CDC42SE2: variants seen among roughly 807,000 people sequenced by gnomAD.
CDC42SE2 encodes CDC42 small effector protein 2.
CDC42SE2 carries 3 observed loss-of-function variants against 11.5 expected under a neutral mutation model. The ratio of observed to expected loss-of-function variants is 0.26; its 90% CI spans 0.12 to 0.67. The LOEUF (loss-of-function observed/expected upper bound fraction) is 0.67, where lower values mean the gene tolerates loss of function less well. Among genes scored for constraint, CDC42SE2 ranks in the 30% least tolerant of loss-of-function variants. The pLI is 0.80. For synonymous variants in CDC42SE2, 33 were observed against 34.8 expected (o/e 0.95, Z 0.18); for missense variants, 82 against 106.8 (o/e 0.77, Z 1.02).
At chr5:131,367,646 A>G (rs1749898401) in intron 3 of CDC42SE2, among the ~76,000 whole-genome samples, 1 of 152,172 alleles carries the variant, frequency 6.6e-6, no homozygotes, top group Non-Finnish European at 1.5e-5. Context: ...TGTGTGAAAG[A>G]CATGCCTGTT....
intron 2 of CDC42SE2, chr5:131,354,619 C>T (rs912451124): frequency 6.6e-6 from 1 of 152,090 alleles, no homozygotes; most frequent in African/African-American, 2.4e-5. Context: ...AACCATAATT[C>T]ACCTTTTTTC....
intron 4 of CDC42SE2, among the ~76,000 whole-genome samples, chr5:131,385,873 A>G (rs1048820071): frequency 2.6e-5 from 4 of 152,252 alleles, no homozygotes; most frequent in Non-Finnish European, 5.9e-5. Flanking sequence ...GCAACTCTTC[A>G]TAGCTGCCTT....
the CDC42SE2 span, among the ~76,000 whole-genome samples, chr5:131,232,758 AAAC>A: frequency 1.4e-5 from 2 of 147,200 alleles, no homozygotes; most frequent in Non-Finnish European, 3.0e-5. Context: ...AAAAAAAACA[AAAC>A]AGAAATATTA....
the CDC42SE2 span, among the ~76,000 whole-genome samples, chr5:131,218,707 G>A: frequency 3.9e-5 from 6 of 152,306 alleles, no homozygotes; most frequent in East Asian, 1.2e-3. Flanking sequence ...AGGTAAAATT[G>A]ATATATAATG....
At chr5:131,299,920 G>A (rs1757647142) in intron 1 of CDC42SE2, among the ~76,000 whole-genome samples, 1 of 152,140 alleles carries the variant, frequency 6.6e-6, no homozygotes, top group Non-Finnish European at 1.5e-5. Context: ...TCTGATATAG[G>A]TATTTAGTAG....
chr5:131,320,866 C>T (rs1054304870), intron 2 of CDC42SE2, among the ~76,000 whole-genome samples: 3 of 152,166 alleles, frequency 2.0e-5, no homozygotes, highest in African/African-American at 4.8e-5. Context: ...AAGCACGTAT[C>T]GGATCAGTGG....
At chr5:131,344,100 C>T (rs1407322708) in intron 2 of CDC42SE2, among the ~76,000 whole-genome samples, 6 of 152,160 alleles carry the variant, frequency 3.9e-5, no homozygotes, top group South Asian at 2.1e-4. Flanking sequence ...CCAGCATGAG[C>T]GACGCAGAAG....
chr5:131,335,935 G>A (rs1208303531), intron 2 of CDC42SE2, among the ~76,000 whole-genome samples: 3 of 152,210 alleles, frequency 2.0e-5, no homozygotes, highest in East Asian at 3.8e-4. Flanking sequence ...TTGCCAGTCT[G>A]TGCCTTTTAA....
At chr5:131,272,485 G>T (rs546465517) in intron 1 of CDC42SE2, among the ~76,000 whole-genome samples, 1 of 151,804 alleles carries the variant, frequency 6.6e-6, no homozygotes, top group East Asian at 1.9e-4. Flanking sequence ...ACTTTTATAC[G>T]TCTCCTTGTA....
At chr5:131,258,508 A>T (rs1298098780) in intron 2 of CDC42SE2, among the ~76,000 whole-genome samples, 1 of 151,948 alleles carries the variant, frequency 6.6e-6, no homozygotes, top group Admixed American at 6.6e-5. Flanking sequence ...GCATTTTGTT[A>T]CAATTCCTAA....
At chr5:131,292,974 C>T (rs545986168) in intron 1 of CDC42SE2, among the ~76,000 whole-genome samples, 1 of 146,826 alleles carries the variant, frequency 6.8e-6, no homozygotes, top group Non-Finnish European at 1.5e-5. Context: ...CATAGTTGTT[C>T]ATTTGAATGT....
chr5:131,289,995 A>T (rs1757419005), intron 1 of CDC42SE2, among the ~76,000 whole-genome samples: 2 of 152,094 alleles, frequency 1.3e-5, no homozygotes, highest in African/African-American at 4.8e-5. Flanking sequence ...GGTGCGTGCC[A>T]CCATTCTTGG....
At chr5:131,331,778 GT>G (rs1244677032) in intron 2 of CDC42SE2, among the ~76,000 whole-genome samples, 1 of 152,084 alleles carries the variant, frequency 6.6e-6, no homozygotes, top group African/African-American at 2.4e-5. Flanking sequence ...TTGACAACTG[GT>G]TAGTATTTTC....
chr5:131,319,700 A>G (rs1242723792), intron 2 of CDC42SE2, among the ~76,000 whole-genome samples: 1 of 152,218 alleles, frequency 6.6e-6, no homozygotes, highest in African/African-American at 2.4e-5. Flanking sequence ...AGATTAGTTG[A>G]ATCTAAAATT....
intron 1 of CDC42SE2, among the ~76,000 whole-genome samples, chr5:131,251,413 G>T (rs934802945): frequency 6.6e-6 from 1 of 152,102 alleles, no homozygotes; most frequent in Non-Finnish European, 1.5e-5. Context: ...ATATCAGCTT[G>T]TCAAACAGCC....
At chr5:131,349,039 A>G (rs1018122505) in intron 2 of CDC42SE2, among the ~76,000 whole-genome samples, 2 of 152,210 alleles carry the variant, frequency 1.3e-5, no homozygotes, top group Non-Finnish European at 2.9e-5. Flanking sequence ...TAAAAACCCT[A>G]GAAGAAAACC....
chr5:131,390,404 G>GCC (rs752259212), intron 4 of CDC42SE2, among the ~76,000 whole-genome samples: 15 of 152,204 alleles, frequency 9.9e-5, no homozygotes, highest in Admixed American at 2.0e-4. Context: ...GAGTTGATCG[G>GCC]CCGGGTGCGG....
intron 1 of CDC42SE2, among the ~76,000 whole-genome samples, chr5:131,312,318 C>G (rs527883466): frequency 3.9e-5 from 6 of 152,178 alleles, no homozygotes; most frequent in African/African-American, 1.4e-4. Context: ...TCTCCAGCTG[C>G]GTGCTGGGAG....
chr5:131,286,385 G>GC (rs1757340333), intron 1 of CDC42SE2, among the ~76,000 whole-genome samples: 1 of 115,088 alleles, frequency 8.7e-6, no homozygotes, highest in Admixed American at 9.6e-5. Flanking sequence ...CACCTGGCCA[G>GC]TTTTTTTTTT....
Sources: allele counts gnomAD v4.1 joint callset (sites outside exome capture counted in the v4.1 genomes callset), GRCh38; gene constraint gnomAD v4.1.1; transcripts MANE v1.5; gene names NCBI Gene and HGNC (gene_info 2026-07-23, HGNC 2026-07-21).